COX11: variants seen among roughly 807,000 people sequenced by gnomAD.
COX11 encodes cytochrome c oxidase copper chaperone COX11.
Under a neutral mutation model 29.4 loss-of-function variants are expected in COX11, and 18 were observed. The observed-to-expected ratio is 0.61, with a 90% confidence interval of 0.42 to 0.91. The LOEUF (loss-of-function observed/expected upper bound fraction) is 0.91, where lower values mean the gene tolerates loss of function less well. Ranked by LOEUF, COX11 falls within the 40% of genes least tolerant of loss-of-function variation. The pLI, the probability that COX11 is intolerant of heterozygous loss-of-function variation, is 0.00. For missense variants in COX11, 312 were observed against 346.0 expected (o/e 0.90, Z 0.78); for synonymous variants, 131 against 124.0 (o/e 1.06, Z -0.38).
chr17:54,955,079 C>G (rs1478451636), exon 1 of COX11: 1 of 152,208 alleles, frequency 6.6e-6, no homozygotes, highest in Non-Finnish European at 1.5e-5. Context: ...TCTACGGTCT[C>G]TGCACACAGT....
exon 1 of COX11, chr17:54,952,212 G>A (rs1176359790): frequency 1.3e-5 from 2 of 152,102 alleles, no homozygotes; most frequent in Non-Finnish European, 2.9e-5. Context: ...AAGAAACCAA[G>A]TAACACTTGG....
At chr17:54,955,196 T>A (rs969946062), upstream of COX11, 2 of 152,144 alleles carry the variant, frequency 1.3e-5, no homozygotes, top group African/African-American at 4.8e-5. Flanking sequence ...CATCCAGAGG[T>A]CCTGGGAAGC....
At chr17:54,968,065 C>G (rs555219891) in intron 1 of COX11, among the ~76,000 whole-genome samples, 22 of 136,418 alleles carry the variant, frequency 1.6e-4, no homozygotes, top group African/African-American at 5.8e-4. Flanking sequence ...GGTATAAGCA[C>G]AATCACTAAG....
Position 54,965,702 on chromosome 17 carries a change from G to A in COX11, c.367-850C>T, listed in dbSNP as rs1013132923. ...AAATTAGCCGGGTGTGGTGACACGC[G>A]CCTGTAGTCCCAGGTCTACTCGGGA... On this transcript the variant is annotated intron_variant, in intron 1 of 3. Transcript: ENST00000299335. Among the ~76,000 whole-genome samples, 8 of 152,158 alleles carry A rather than the reference G, an allele frequency of 5.3e-5. No individual in the cohort carries two copies. The East Asian group carries it at 1.4e-3, about 26-fold the overall frequency.
intron 3 of COX11, 52 bp downstream of exon 3, chr17:54,963,254 A>T: frequency 6.4e-7 from 1 of 1,563,268 alleles, no homozygotes; most frequent in Middle Eastern, 1.8e-4. Flanking sequence ...TTTCATACTA[A>T]ACCGTTTCAT....
chr17:54,968,551 T>C lies in COX11; in HGVS notation c.96A>G (p.Val32=). 6.2e-7 allele frequency: 1 copy of C among 1,613,088 alleles called. No homozygotes were observed. The highest frequency in any genetic ancestry group is 1.1e-5 in the South Asian group (1 of 91,084). Residue 32 remains valine (V), a synonymous_variant, in exon 1 of 4, where the codon GTA becomes GTG. Transcript: ENST00000299335. The part of the protein sequence containing the change: ...PGSPTRAAER[V]EPFLRPEWSG... Reference sequence around the variant, plus strand: ...TCCACTCTGGCCTAAGAAACGGCTCTACCCTCTCTGCAGCCCTGGTTGGAG... The same window carrying C: ...TCCACTCTGGCCTAAGAAACGGCTCCACCCTCTCTGCAGCCCTGGTTGGAG...
downstream of COX11, among the ~76,000 whole-genome samples, chr17:54,959,968 G>A (rs961751597): frequency 1.3e-5 from 2 of 151,940 alleles, no homozygotes; most frequent in African/African-American, 4.8e-5. Context: ...AGTTTTTTAA[G>A]CAAAACATAA....
At chr17:54,952,101 A>G (rs1477210291) in exon 1 of COX11, 1 of 152,146 alleles carries the variant, frequency 6.6e-6, no homozygotes, top group African/African-American at 2.4e-5. Context: ...CTACAGTTGA[A>G]ATTTTTCTAA....
chr17:54,955,982 C>T (rs2049480093), downstream of COX11, among the ~76,000 whole-genome samples: 1 of 152,140 alleles, frequency 6.6e-6, no homozygotes. Context: ...GGTGAGTTGG[C>T]CCACGCATGC....
At chr17:54,959,739 T>C (rs1386225051), downstream of COX11, among the ~76,000 whole-genome samples, 1 of 151,932 alleles carries the variant, frequency 6.6e-6, no homozygotes, top group Non-Finnish European at 1.5e-5. Context: ...GACCTCAGCT[T>C]CCTGAGTACC....
chr17:54,968,681 G>T, upstream of COX11: 3 of 1,585,954 alleles, frequency 1.9e-6, no homozygotes, highest in Non-Finnish European at 2.6e-6. Flanking sequence ...GCCTCTCAGG[G>T]ACGAGAGGTC....
At chr17:54,958,730 C>CA (rs61603848), downstream of COX11, among the ~76,000 whole-genome samples, 154 of 57,462 alleles carry the variant, frequency 2.7e-3, 2 homozygotes, top group Middle Eastern at 0.012. Flanking sequence ...AACTCCATCT[C>CA]AAAAAAAAAA....
chr17:54,960,046 C>T (rs1437071911), downstream of COX11, among the ~76,000 whole-genome samples: 1 of 152,010 alleles, frequency 6.6e-6, no homozygotes, highest in African/African-American at 2.4e-5. Context: ...CTATGAAATA[C>T]ATACTTTTAA....
chr17:54,953,416 G>A (rs2049334953), exon 1 of COX11: 1 of 152,336 alleles, frequency 6.6e-6, no homozygotes, highest in African/African-American at 2.4e-5. Context: ...TGTGTAACCT[G>A]GGGCTCCTTG....
chr17:54,961,993 AG>A lies in COX11; in HGVS notation c.*739del, dbSNP rs1289535462. 1.0e-6 allele frequency: 1 copy of A among 979,092 alleles called. No individual in the cohort carries two copies. Among genetic ancestry groups the A allele is most frequent in the African/African-American group, 1.7e-5 (1 of 57,200 alleles). The allele number at this position is 979,092 out of a possible 1,614,324, so 60.7% of individuals were successfully genotyped here. A position where few individuals can be genotyped will look rare whatever the true frequency, so the allele number is the denominator to read the frequency against. ...TTTTTTTTAACAAAGGTTTGTTTCC[AG>A]AAGAACTTTTGATGTCAGTAAATCT... On this transcript the variant is annotated 3_prime_UTR_variant, in exon 4 of 4. Coordinates refer to ENST00000299335, the MANE Select transcript of COX11 (RefSeq NM_004375.5).
At chr17:54,967,499 CTT>C in intron 1 of COX11, among the ~76,000 whole-genome samples, 1 of 152,318 alleles carries the variant, frequency 6.6e-6, no homozygotes, top group South Asian at 2.1e-4. Context: ...TGAAACTTGT[CTT>C]TGCCTGTGGT....
chr17:54,962,743 C>T lies in COX11; in HGVS notation c.821G>A (p.Gly274Glu), dbSNP rs1458263653. ...AKEGHKLPVPGYN is the reference protein window; with the variant it reads ...AKEGHKLPVPEYN ...ACTTAGTTGCTGACTTCAATTATAT[C>T]CTGGAACTGGCAACTTGTGCCCTTC... Residue 274 changes from glycine to glutamate, a missense_variant, in exon 4 of 4, where the codon GGA becomes GAA. Gly to Glu is a moderately conservative substitution (Grantham distance 98). Transcript: ENST00000299335. 6.2e-7 allele frequency: 1 copy of T among 1,611,106 alleles called. No individual in the cohort carries two copies. The highest frequency in any genetic ancestry group is 1.1e-5 in the South Asian group (1 of 90,490).
intron 1 of COX11, among the ~76,000 whole-genome samples, chr17:54,966,549 A>G (rs528545087): frequency 2.6e-5 from 4 of 152,276 alleles, no homozygotes; most frequent in East Asian, 1.9e-4. Flanking sequence ...GCCTCTACCT[A>G]TTAGATGCCA....
chr17:54,956,385 A>C (rs953603740), downstream of COX11, among the ~76,000 whole-genome samples: 1 of 152,028 alleles, frequency 6.6e-6, no homozygotes, highest in African/African-American at 2.4e-5. Flanking sequence ...GCTCACTGCA[A>C]CTTCTGCCTC....
Sources: gnomAD v4.1 joint callset for allele counts (sites outside exome capture counted in the v4.1 genomes callset) on GRCh38, gnomAD v4.1.1 for gene constraint, MANE v1.5 for transcripts, NCBI Gene and HGNC (gene_info 2026-07-23, HGNC 2026-07-21) for gene names.